The following CDK17 variants were observed in gnomAD, a reference collection of about 807,000 sequenced individuals.
The protein encoded by CDK17 is cyclin dependent kinase 17.
Under a neutral mutation model 77.6 loss-of-function variants are expected in CDK17, and 24 were observed. The observed-to-expected ratio is 0.31, with a 90% CI of 0.22 to 0.44. The LOEUF (loss-of-function observed/expected upper bound fraction) is 0.44. Among genes scored for constraint, CDK17 ranks in the 20% least tolerant of loss-of-function variants. CDK17 has a pLI of 1.00. For missense variants in CDK17, 429 were observed against 622.5 expected, an observed-to-expected ratio of 0.69 and a Z score of 3.31; for synonymous variants, 203 against 210.4, an observed-to-expected ratio of 0.96 and a Z score of 0.30.
chr12:96,361,114 G>T (rs1229986368), intron 1 of CDK17, among the ~76,000 whole-genome samples: 1 of 152,232 alleles, frequency 6.6e-6, no homozygotes, highest in Admixed American at 6.5e-5. Context: ...AAAACTACGT[G>T]TCAAGAGCTT....
At chr12:96,372,951 A>C (rs1953717266) in intron 1 of CDK17, among the ~76,000 whole-genome samples, 1 of 152,230 alleles carries the variant, frequency 6.6e-6, no homozygotes, top group Non-Finnish European at 1.5e-5. Context: ...TAGGTGAATT[A>C]AATGGATTCT....
At chr12:96,385,689 G>A (rs1049830008) in intron 1 of CDK17, among the ~76,000 whole-genome samples, 1 of 151,890 alleles carries the variant, frequency 6.6e-6, no homozygotes, top group Non-Finnish European at 1.5e-5. Flanking sequence ...TTGGAGAAAA[G>A]CCAAGATAAT....
chr12:96,399,923 C>G (rs1402023115), intron 1 of CDK17, 63 bp downstream of exon 1: 2 of 350,734 alleles, frequency 5.7e-6, no homozygotes, highest in Non-Finnish European at 1.0e-5. Flanking sequence ...ACGCAGCCTC[C>G]CGGCCCCGCG....
At chr12:96,301,283 G>C (rs1952500387) in intron 5 of CDK17, among the ~76,000 whole-genome samples, 1 of 143,332 alleles carries the variant, frequency 7.0e-6, no homozygotes, top group South Asian at 2.2e-4. Context: ...AACAACAAGA[G>C]AAAATGCTTT....
chr12:96,323,442 C>CA (rs1952851042), intron 3 of CDK17, among the ~76,000 whole-genome samples: 1 of 151,798 alleles, frequency 6.6e-6, no homozygotes, highest in Admixed American at 6.6e-5. Context: ...GCCTGGGTGA[C>CA]AGAGTGAGAC....
intron 1 of CDK17, among the ~76,000 whole-genome samples, chr12:96,381,389 T>A (rs1455650272): frequency 1.3e-5 from 2 of 152,036 alleles, no homozygotes; most frequent in African/African-American, 2.4e-5. Flanking sequence ...AAAGATGCTC[T>A]TTACAGTGTA....
chr12:96,389,247 T>A (rs1954026226), intron 1 of CDK17, among the ~76,000 whole-genome samples: 1 of 151,954 alleles, frequency 6.6e-6, no homozygotes, highest in Non-Finnish European at 1.5e-5. Context: ...AATGCTGGGA[T>A]TACAGGCATG....
intron 2 of CDK17, among the ~76,000 whole-genome samples, chr12:96,326,192 G>A (rs1163414845): frequency 6.6e-6 from 1 of 152,068 alleles, no homozygotes; most frequent in Non-Finnish European, 1.5e-5. Context: ...GATTGTTCTG[G>A]AGAATATAGA....
chr12:96,380,427 C>T (rs1953861567), intron 1 of CDK17, among the ~76,000 whole-genome samples: 1 of 151,462 alleles, frequency 6.6e-6, no homozygotes, highest in African/African-American at 2.4e-5. Flanking sequence ...ATTACAGGCG[C>T]CCAAGCATCC....
At chr12:96,320,013 CCT>C (rs1339829070) in intron 3 of CDK17, among the ~76,000 whole-genome samples, 1 of 151,816 alleles carries the variant, frequency 6.6e-6, no homozygotes, top group Non-Finnish European at 1.5e-5. Flanking sequence ...TCAAATTGTC[CCT>C]GTTTGCAGAC....
Position 96,283,642 on chromosome 12 carries a change from TA to T in CDK17, c.1325del (p.Leu442Ter). Reference protein sequence around the residue: ...PQPLINHAPRLDSEGIELITK... With the variant: ...PQPLINHAPRXDSEGIELITK... The stretch of plus-strand genomic sequence containing the variant: ...TTATCAACTCAATTCCTTCAGAGTC[TA>T]ACCTAGAAACAACAAAGAACAAGTA... On this transcript the variant is annotated frameshift_variant and splice_region_variant, in exon 14 of 17. Coordinates refer to ENST00000261211, the MANE Select transcript of CDK17 (RefSeq NM_002595.5). LOFTEE classifies it high-confidence loss of function. The T allele has an allele frequency of 6.3e-7, 1 of 1,596,606 alleles. No individual in the cohort carries two copies. The highest frequency in any genetic ancestry group is 8.6e-7 in the Non-Finnish European group (1 of 1,166,024).
intron 10 of CDK17, among the ~76,000 whole-genome samples, chr12:96,291,665 C>G (rs1306476888): frequency 1.4e-5 from 2 of 138,202 alleles, no homozygotes; most frequent in Non-Finnish European, 3.0e-5. Flanking sequence ...AAGTCTCGCT[C>G]TGTCATGCAG....
chr12:96,344,604 T>C (rs1280818091), intron 1 of CDK17, among the ~76,000 whole-genome samples: 1 of 152,102 alleles, frequency 6.6e-6, no homozygotes, highest in Non-Finnish European at 1.5e-5. Flanking sequence ...TCAGCAAAAC[T>C]ATCCTTTAAG....
In CDK17 at chr12:96,319,228, A is replaced by T. The variant is rs1218228923; in HGVS notation, c.283+4720T>A. On this transcript the variant is annotated intron_variant, in intron 3 of 16. Transcript: ENST00000261211. Reference sequence around the variant, plus strand: ...AATGGATACATTCCTCAACACATACACTCTCCCAAGACTAAACCAGGAAGA... The same window carrying T: ...AATGGATACATTCCTCAACACATACTCTCTCCCAAGACTAAACCAGGAAGA... Among the ~76,000 whole-genome samples the T allele has an allele frequency of 5.3e-5, 8 of 151,586 alleles. No individual in the cohort carries two copies. The East Asian group carries it at 9.7e-4, about 18-fold the overall frequency.
At chr12:96,288,033 T>C (rs1388116372) in intron 11 of CDK17, among the ~76,000 whole-genome samples, 2 of 151,918 alleles carry the variant, frequency 1.3e-5, no homozygotes, top group Non-Finnish European at 2.9e-5. Flanking sequence ...GGGAGGGGAA[T>C]AGGAAGAAAT....
intron 1 of CDK17, among the ~76,000 whole-genome samples, chr12:96,352,324 G>T (rs919283218): frequency 6.6e-6 from 1 of 152,030 alleles, no homozygotes; most frequent in African/African-American, 2.4e-5. Context: ...AAAGGAAGGT[G>T]GCAGGGTATT....
intron 1 of CDK17, among the ~76,000 whole-genome samples, chr12:96,364,600 T>G (rs1017478791): frequency 8.5e-5 from 13 of 152,180 alleles, no homozygotes; most frequent in Non-Finnish European, 1.8e-4. Flanking sequence ...GCTGCTCTGT[T>G]CTTTTCCCAT....
intron 1 of CDK17, among the ~76,000 whole-genome samples, chr12:96,342,327 G>A (rs1423224861): frequency 6.6e-6 from 1 of 152,230 alleles, no homozygotes; most frequent in Non-Finnish European, 1.5e-5. Context: ...CATACAGAAT[G>A]AGGAATAACC....
At chr12:96,382,010 C>T (rs1592767771) in intron 1 of CDK17, among the ~76,000 whole-genome samples, 1 of 152,002 alleles carries the variant, frequency 6.6e-6, no homozygotes, top group South Asian at 2.1e-4. Context: ...AGATGTGGCA[C>T]ATTATTCGTG....
Sources: gnomAD v4.1 joint callset for allele counts (sites outside exome capture counted in the v4.1 genomes callset) on GRCh38, gnomAD v4.1.1 for gene constraint, MANE v1.5 for transcripts, NCBI Gene and HGNC (gene_info 2026-07-23, HGNC 2026-07-21) for gene names.